The following SCN8A variants were observed in gnomAD, a reference collection of about 807,000 sequenced individuals.
The protein encoded by SCN8A is sodium voltage-gated channel alpha subunit 8.
In SCN8A, 30 loss-of-function variants were observed where a neutral mutation model predicts 184.1. That is an observed-to-expected ratio of 0.16 (90% confidence interval 0.12 to 0.22). The LOEUF is 0.22. Among genes scored for constraint, SCN8A ranks in the 10% least tolerant of loss-of-function variants. SCN8A has a pLI of 1.00. For missense variants in SCN8A, 1,057 were observed against 2,498.9 expected, an observed-to-expected ratio of 0.42 and a Z score of 12.30; for synonymous variants, 852 against 907.0, an observed-to-expected ratio of 0.94 and a Z score of 1.09.
intron 26 of SCN8A, among the ~76,000 whole-genome samples, chr12:51,805,330 G>C (rs1938668954): frequency 6.6e-6 from 1 of 152,116 alleles, no homozygotes; most frequent in Non-Finnish European, 1.5e-5. Context: ...CGTAATCCCA[G>C]CACTTTGGGA....
At chr12:51,731,122 A>T (rs865858099) in intron 12 of SCN8A, among the ~76,000 whole-genome samples, 4 of 152,234 alleles carry the variant, frequency 2.6e-5, no homozygotes, top group African/African-American at 9.6e-5. Context: ...CTATTGATGG[A>T]CACTTAGGTT....
At chr12:51,751,059 GC>G (rs1942586741) in intron 13 of SCN8A, among the ~76,000 whole-genome samples, 3 of 152,144 alleles carry the variant, frequency 2.0e-5, no homozygotes, top group African/African-American at 7.2e-5. Context: ...AAGCATTCAA[GC>G]CAGTTGAGGC....
intron 1 of SCN8A, among the ~76,000 whole-genome samples, chr12:51,661,879 G>A (rs1178387056): frequency 1.3e-5 from 2 of 152,210 alleles, no homozygotes; most frequent in Non-Finnish European, 2.9e-5. Context: ...CAAATACCAT[G>A]CTTAGAAATC....
chr12:51,667,413 T>A (rs1202867133), intron 2 of SCN8A, among the ~76,000 whole-genome samples: 2 of 151,996 alleles, frequency 1.3e-5, no homozygotes, highest in Non-Finnish European at 2.9e-5. Flanking sequence ...CAAGTTGGAG[T>A]GCAGTGATGC....
At chr12:51,768,686 A>G (rs971537069) in intron 16 of SCN8A, among the ~76,000 whole-genome samples, 179 bp from the exon 17 acceptor site, 5 of 152,278 alleles carry the variant, frequency 3.3e-5, no homozygotes, top group African/African-American at 1.2e-4. Flanking sequence ...TATTACAACC[A>G]AAACCAAACA....
At chr12:51,781,645 T>TGCACGCGCAC (rs562980781) in intron 21 of SCN8A, among the ~76,000 whole-genome samples, 1 of 152,116 alleles carries the variant, frequency 6.6e-6, no homozygotes, top group African/African-American at 2.4e-5. Context: ...TGTGCGTGCG[T>TGCACGCGCAC]GCACGCGCAC....
At chr12:51,675,547 T>A (rs1347091298) in intron 2 of SCN8A, among the ~76,000 whole-genome samples, 1 of 152,174 alleles carries the variant, frequency 6.6e-6, no homozygotes, top group Non-Finnish European at 1.5e-5. Flanking sequence ...CCAGATGACC[T>A]GGTGCAGTAA....
chr12:51,706,839 ATTC>A (rs2138751121), intron 11 of SCN8A, 124 bp downstream of exon 11: 1 of 689,512 alleles, frequency 1.5e-6, no homozygotes, highest in Non-Finnish European at 2.1e-6. Flanking sequence ...GCACAATTAT[ATTC>A]TTCTTTTTCC....
intron 2 of SCN8A, among the ~76,000 whole-genome samples, chr12:51,668,568 A>G (rs1324958019): frequency 2.0e-5 from 3 of 152,162 alleles, no homozygotes; most frequent in African/African-American, 7.2e-5. Context: ...TTATTCCTTA[A>G]AAATCCCTGT....
At position 51,652,026 on chromosome 12, in the gene SCN8A, A is replaced by C. The variant is rs763873973; in HGVS notation, c.-54-10738A>C. On this transcript the variant is annotated intron_variant, in intron 1 of 26. Coordinates refer to ENST00000627620, the MANE Select transcript of SCN8A (RefSeq NM_001330260.2). ...AAGACTAAATAAATAGCAAGTATGG[A>C]TGAGAAAAAAAATCATTCCCTTGAG... is the stretch of plus-strand genomic sequence containing the variant. Among the ~76,000 whole-genome samples, 5 of 152,190 alleles carry C rather than the reference A, an allele frequency of 3.3e-5. No individual in the cohort carries two copies. In the East Asian group the frequency reaches 7.7e-4, roughly 23 times the overall value.
chr12:51,769,070 A>C lies in SCN8A; in HGVS notation c.3107A>C (p.Glu1036Ala). The C allele has an allele frequency of 6.2e-7, 1 of 1,613,982 alleles. No individual in the cohort carries two copies. The highest frequency in any genetic ancestry group is 1.1e-5 in the South Asian group (1 of 91,050). ...READEVKPLDELYEKKANCIA... is the reference protein window; with the variant it reads ...READEVKPLDALYEKKANCIA... ...GCTGATGAGGTGAAGCCTCTGGATG[A>C]GTTGTATGAAAAGAAGGCCAACTGT... The change falls in exon 17 of 27, where the codon GAG becomes GCG. Residue 1036 changes from glutamate to alanine, a missense_variant. Physicochemically the swap from Glu to Ala is moderately radical, Grantham distance 107. This residue lies in a region of SCN8A where 178 missense variants were observed against 259.6 expected (regional missense o/e 0.69). Transcript: ENST00000627620.
chr12:51,681,824 TTA>T (rs1941339488), intron 2 of SCN8A, among the ~76,000 whole-genome samples: 1 of 152,172 alleles, frequency 6.6e-6, no homozygotes, highest in Non-Finnish European at 1.5e-5. Context: ...GAAAAGAACT[TTA>T]AAAAACATCA....
intron 6 of SCN8A, chr12:51,689,383 C>T: frequency 2.8e-6 from 1 of 354,098 alleles, no homozygotes; most frequent in South Asian, 5.9e-5. Flanking sequence ...AGCTAGCTGT[C>T]TCTTTGTATA....
rs550672287 is a variant in SCN8A at position 51,606,357 on chromosome 12, G to A, written c.-55+14998G>A. Among the ~76,000 whole-genome samples the A allele has an allele frequency of 1.4e-4, 21 of 152,088 alleles. No individual in the cohort carries two copies. In the East Asian group the frequency reaches 1.7e-3, roughly 13 times the overall value. ...TTGTTGAAAAGGGTGTCTATTCCCC[G>A]CTTACGTTTTTGTTTCCTTTGTTGA... On this transcript the variant is annotated intron_variant, in intron 1 of 26. Coordinates refer to ENST00000627620, the MANE Select transcript of SCN8A (RefSeq NM_001330260.2).
At chr12:51,649,614 C>G (rs563506432) in intron 1 of SCN8A, among the ~76,000 whole-genome samples, 1 of 152,276 alleles carries the variant, frequency 6.6e-6, no homozygotes, top group East Asian at 1.9e-4. Context: ...AGCCTTGGCC[C>G]GAGCTCTACA....
At chr12:51,720,534 A>G (rs1942036190) in intron 11 of SCN8A, among the ~76,000 whole-genome samples, 2 of 151,994 alleles carry the variant, frequency 1.3e-5, no homozygotes, top group Non-Finnish European at 2.9e-5. Flanking sequence ...CAGCACACCA[A>G]CATGGCACAT....
At chr12:51,804,350 A>G (rs1473113239) in intron 26 of SCN8A, among the ~76,000 whole-genome samples, 1 of 150,990 alleles carries the variant, frequency 6.6e-6, no homozygotes, top group African/African-American at 2.4e-5. Flanking sequence ...TTTTAAAGAC[A>G]GAGTCTCTGC....
intron 1 of SCN8A, among the ~76,000 whole-genome samples, chr12:51,653,330 C>T (rs574690675): frequency 2.6e-5 from 4 of 152,284 alleles, no homozygotes; most frequent in Admixed American, 6.5e-5. Flanking sequence ...TAAATAGTAA[C>T]TTCTCATTCC....
At chr12:51,602,942 TC>T (rs979153584) in intron 1 of SCN8A, among the ~76,000 whole-genome samples, 8 of 152,224 alleles carry the variant, frequency 5.3e-5, no homozygotes, top group African/African-American at 1.9e-4. Context: ...TTCCTTTTTT[TC>T]TTCTTAATCT....
Sources: allele counts gnomAD v4.1 joint callset (sites outside exome capture counted in the v4.1 genomes callset), GRCh38; gene constraint gnomAD v4.1.1; regional missense constraint gnomAD v4.1.1; transcripts MANE v1.5; gene names NCBI Gene and HGNC (gene_info 2026-07-23, HGNC 2026-07-21).